GPR20: variants seen among roughly 807,000 people sequenced by gnomAD.
GPR20 encodes G protein-coupled receptor 20.
For missense variants in GPR20, 494 were observed against 527.4 expected, an observed-to-expected ratio of 0.94 and a Z score of 0.62; for synonymous variants, 241 against 241.9, an observed-to-expected ratio of 1.00 and a Z score of 0.04.
intron 1 of GPR20, among the ~76,000 whole-genome samples, chr8:141,359,981 C>T (rs1831709865): frequency 6.6e-6 from 1 of 152,194 alleles, no homozygotes; most frequent in South Asian, 2.1e-4. Context: ...TCATAAACAA[C>T]ACAGAACGTT....
chr8:141,363,322 G>A (rs1220528705), intron 1 of GPR20, among the ~76,000 whole-genome samples: 1 of 152,260 alleles, frequency 6.6e-6, no homozygotes, highest in Non-Finnish European at 1.5e-5. Context: ...GGCCCTGTGT[G>A]GACCAGCCCG....
chr8:141,366,075 G>T (rs1202997099), intron 1 of GPR20, among the ~76,000 whole-genome samples: 1 of 152,204 alleles, frequency 6.6e-6, no homozygotes, highest in Non-Finnish European at 1.5e-5. Flanking sequence ...AAGAGGAGAT[G>T]CTAATACCAC....
At chr8:141,361,339 G>GC (rs1831731772) in intron 1 of GPR20, among the ~76,000 whole-genome samples, 1 of 152,220 alleles carries the variant, frequency 6.6e-6, no homozygotes, top group Admixed American at 6.5e-5. Context: ...CTGGAGTGTG[G>GC]CCATGGAGCC....
intron 1 of GPR20, among the ~76,000 whole-genome samples, chr8:141,362,646 C>T (rs890217328): frequency 2.6e-5 from 4 of 152,236 alleles, no homozygotes; most frequent in African/African-American, 9.6e-5. Context: ...CCAGCCCCAT[C>T]GTCACTACCC....
In GPR20 at chr8:141,362,543, A is replaced by C. The variant is rs569158471; in HGVS notation, c.-24-4596T>G. ...TGGCAAGGTGTGGCCTGGTTTCTCA[A>C]CCTGGCATTCAGGGTGAATGCCACC... On this transcript the variant is annotated intron_variant, in intron 1 of 1. Transcript: ENST00000377741. 3.6e-3 allele frequency among the ~76,000 whole-genome samples: 549 copies of C among 152,208 alleles called. 6 individuals are homozygous for C. Among genetic ancestry groups the C allele is most frequent in the African/African-American group, 0.013 (530 of 41,542 alleles).
chr8:141,366,494 G>A (rs1244520360), intron 1 of GPR20, among the ~76,000 whole-genome samples: 2 of 152,220 alleles, frequency 1.3e-5, no homozygotes, highest in South Asian at 4.1e-4. Context: ...TTCTCACAGC[G>A]CAGTCCCAGT....
intron 1 of GPR20, among the ~76,000 whole-genome samples, chr8:141,362,057 GC>G (rs1181293375): frequency 2.0e-5 from 3 of 152,076 alleles, no homozygotes; most frequent in Admixed American, 6.5e-5. Context: ...GGGGCCTGAG[GC>G]CTGGACTGCT....
At chr8:141,358,580 C>T (rs1222348940) in intron 1 of GPR20, among the ~76,000 whole-genome samples, 2 of 152,344 alleles carry the variant, frequency 1.3e-5, no homozygotes, top group Non-Finnish European at 2.9e-5. Flanking sequence ...CCCACACCCA[C>T]CGTCATGGCC....
At chr8:141,366,163 C>T (rs1586512350) in intron 1 of GPR20, among the ~76,000 whole-genome samples, 2 of 152,396 alleles carry the variant, frequency 1.3e-5, no homozygotes, top group African/African-American at 4.8e-5. Context: ...GGCCCCCACG[C>T]CCGGCTCTCC....
At chr8:141,365,183 A>G (rs971288028) in intron 1 of GPR20, among the ~76,000 whole-genome samples, 1 of 152,134 alleles carries the variant, frequency 6.6e-6, no homozygotes, top group East Asian at 1.9e-4. Flanking sequence ...AGTGCCCTGG[A>G]TGCCCCTGCC....
intron 1 of GPR20, among the ~76,000 whole-genome samples, chr8:141,362,553 C>T (rs1831749925): frequency 6.6e-6 from 1 of 152,202 alleles, no homozygotes; most frequent in African/African-American, 2.4e-5. Context: ...ACCTGGCATT[C>T]AGGGTGAATG....
Position 141,357,624 on chromosome 8 carries a change from T to C in GPR20, c.300A>G (p.Leu100=). 1.2e-6 allele frequency: 2 copies of C among 1,613,922 alleles called. No homozygotes were observed. Among genetic ancestry groups the C allele is most frequent in the Non-Finnish European group, 1.7e-6 (2 of 1,179,984 alleles). The change falls in exon 2 of 2, where the codon CTA becomes CTG. Residue 100 remains leucine (L), a synonymous_variant. Coordinates refer to ENST00000377741, the MANE Select transcript of GPR20 (RefSeq NM_005293.3). ...IYTINLVVTD[L]LVGLSLPTRF... is the part of the protein sequence containing the mutation. ...GCGTGGGCAGGGACAGCCCTACCAG[T>C]AGATCGGTCACCACCAGGTTGATGG...
At position 141,363,828 on chromosome 8, in the gene GPR20, C is replaced by G. The variant is rs148696541; in HGVS notation, c.-25+3373G>C. ...CATGTGAGACCAGGCAGCAGAGTGGCCCCGGCCCCAGGGCAGCAGATGGCC... is the reference window on the plus strand; with the variant it reads ...CATGTGAGACCAGGCAGCAGAGTGGGCCCGGCCCCAGGGCAGCAGATGGCC... On this transcript the variant is annotated intron_variant, in intron 1 of 1. Transcript: ENST00000377741. 4.3e-3 allele frequency among the ~76,000 whole-genome samples: 657 copies of G among 152,382 alleles called. 4 individuals carry two copies. The highest frequency in any genetic ancestry group is 0.015 in the African/African-American group (629 of 41,596).
chr8:141,358,054 C>T, intron 1 of GPR20, 107 bp from the exon 2 acceptor site: 1 of 614,284 alleles, frequency 1.6e-6, no homozygotes, highest in Non-Finnish European at 2.9e-6. Context: ...CCAGCATCCC[C>T]CTTCTCCATG....
intron 1 of GPR20, among the ~76,000 whole-genome samples, chr8:141,364,838 G>C (rs909315736): frequency 1.3e-5 from 2 of 151,842 alleles, no homozygotes; most frequent in Non-Finnish European, 2.9e-5. Flanking sequence ...GAGGTCCTGC[G>C]TGTCACCCAC....
intron 1 of GPR20, among the ~76,000 whole-genome samples, chr8:141,364,730 G>C (rs1201119243): frequency 1.8e-4 from 27 of 151,212 alleles, no homozygotes; most frequent in Admixed American, 1.8e-3. Flanking sequence ...GCCAGTTGGA[G>C]GTCCTGCATG....
intron 1 of GPR20, among the ~76,000 whole-genome samples, chr8:141,363,974 G>A (rs531246780): frequency 5.3e-5 from 8 of 152,230 alleles, no homozygotes; most frequent in Admixed American, 2.6e-4. Context: ...TGCTAAGGGC[G>A]CTTTGCATCC....
Position 141,357,190 on chromosome 8 carries a change from G to A in GPR20, c.734C>T (p.Thr245Met), listed in dbSNP as rs552858075. 1.6e-5 allele frequency: 25 copies of A among 1,591,980 alleles called. No individual in the cohort carries two copies. The highest frequency in any genetic ancestry group is 5.3e-5 in the Admixed American group (3 of 56,730). ...GCAGACGAGAAAGATGATGAGCACC[G>A]TGAGCAGGAGCTGCATGGCCCGCAC... is the stretch of plus-strand genomic sequence containing the variant. ...RRVRAMQLLL[T>M]VLIIFLVCFT... Residue 245 changes from threonine to methionine, a missense_variant, in exon 2 of 2, where the codon ACG (threonine) becomes ATG (methionine). Coordinates refer to ENST00000377741, the MANE Select transcript of GPR20 (RefSeq NM_005293.3).
At chr8:141,363,951 G>A (rs991921022) in intron 1 of GPR20, among the ~76,000 whole-genome samples, 1 of 152,242 alleles carries the variant, frequency 6.6e-6, no homozygotes, top group African/African-American at 2.4e-5. Flanking sequence ...CCCACAGAGG[G>A]GCTCTGAGCA....
Sources: allele counts gnomAD v4.1 joint callset (sites outside exome capture counted in the v4.1 genomes callset), GRCh38; gene constraint gnomAD v4.1.1; transcripts MANE v1.5; gene names NCBI Gene and HGNC (gene_info 2026-07-23, HGNC 2026-07-21).